DOK6: variants seen among roughly 807,000 people sequenced by gnomAD.
DOK6 encodes docking protein 6, also known as downstream of tyrosine kinase 6.
DOK6 carries 22 observed loss-of-function variants against 44.0 expected under a neutral mutation model. The ratio of observed to expected loss-of-function variants is 0.50; its 90% CI spans 0.36 to 0.71. The LOEUF (loss-of-function observed/expected upper bound fraction) is 0.71, where lower values mean the gene tolerates loss of function less well. Ranked by LOEUF, DOK6 falls within the 30% of genes least tolerant of loss-of-function variation. The pLI is 0.00. For synonymous variants in DOK6, 166 were observed against 145.5 expected, an observed-to-expected ratio of 1.14 and a Z score of -1.01; for missense variants, 340 against 416.4, an observed-to-expected ratio of 0.82 and a Z score of 1.60.
intron 3 of DOK6, among the ~76,000 whole-genome samples, chr18:69,644,064 C>G (rs1985009942): frequency 6.6e-6 from 1 of 152,020 alleles, no homozygotes; most frequent in African/African-American, 2.4e-5. Flanking sequence ...ATTCAAATGT[C>G]TGTTCACGTA....
At chr18:69,635,066 G>A (rs935097460) in intron 3 of DOK6, among the ~76,000 whole-genome samples, 13 of 152,178 alleles carry the variant, frequency 8.5e-5, no homozygotes, top group African/African-American at 3.1e-4. Context: ...GTGGGCTCCA[G>A]TTGACACAAT....
intron 4 of DOK6, among the ~76,000 whole-genome samples, chr18:69,691,554 AC>A (rs1187404116): frequency 4.6e-5 from 7 of 152,256 alleles, no homozygotes; most frequent in African/African-American, 1.4e-4. Flanking sequence ...TTGGGGAAGA[AC>A]CTGAGTTTGG....
At chr18:69,776,507 A>T (rs535379297) in intron 7 of DOK6, among the ~76,000 whole-genome samples, 3 of 152,236 alleles carry the variant, frequency 2.0e-5, no homozygotes, top group African/African-American at 7.2e-5. Context: ...CTAAGTTGGT[A>T]GAGAAAATTT....
At chr18:69,676,344 C>T (rs956780188) in intron 3 of DOK6, among the ~76,000 whole-genome samples, 24 of 152,142 alleles carry the variant, frequency 1.6e-4, no homozygotes, top group Non-Finnish European at 1.2e-4. Flanking sequence ...CTTCACATCT[C>T]ATTGATGAAA....
intron 7 of DOK6, among the ~76,000 whole-genome samples, chr18:69,824,457 C>A (rs116998033): frequency 2.4e-5 from 2 of 83,300 alleles, no homozygotes; most frequent in African/African-American, 8.6e-5. Flanking sequence ...AATCCTCCTG[C>A]GCTCAAGCAA....
chr18:69,676,494 G>A (rs754391926), intron 3 of DOK6, among the ~76,000 whole-genome samples: 83 of 152,070 alleles, frequency 5.5e-4, no homozygotes, highest in Admixed American at 2.8e-3. Flanking sequence ...TTTTCATGGG[G>A]CATTTAAAAT....
chr18:69,558,926 G>A (rs1322262914), intron 1 of DOK6, among the ~76,000 whole-genome samples: 1 of 152,022 alleles, frequency 6.6e-6, no homozygotes, highest in Non-Finnish European at 1.5e-5. Flanking sequence ...GCTGTATAGA[G>A]TATACAGGAA....
chr18:69,695,185 C>T (rs1006022849), intron 4 of DOK6, among the ~76,000 whole-genome samples: 7 of 152,074 alleles, frequency 4.6e-5, no homozygotes, highest in Non-Finnish European at 8.8e-5. Flanking sequence ...AAGTGTGGTC[C>T]GCAGAGAAGC....
intron 6 of DOK6, among the ~76,000 whole-genome samples, chr18:69,748,210 C>T (rs929211771): frequency 1.3e-4 from 20 of 151,972 alleles, no homozygotes; most frequent in African/African-American, 4.1e-4. Context: ...TAAATATGTA[C>T]GCACCCAATA....
rs1568256500 is a variant in DOK6 at position 69,435,029 on chromosome 18, A to AAGGAAGGAAGGAC, written c.66+33719_66+33720insAGGAAGGAAGGAC. Among the ~76,000 whole-genome samples, 49 of 44,098 alleles carry AAGGAAGGAAGGAC rather than the reference A, an allele frequency of 1.1e-3. 1 individual carries two copies. Among genetic ancestry groups the AAGGAAGGAAGGAC allele is most frequent in the African/African-American group, 3.6e-3 (45 of 12,586 alleles). 28.9% of individuals were successfully genotyped at this position (44,098 alleles called of 152,430 possible). A position where few individuals can be genotyped will look rare whatever the true frequency, so the allele number is the denominator to read the frequency against. ...AAAGATTAGTGTAGGGAGGGAGGGA[A>AAGGAAGGAAGGAC]GGAAGGAAGGAAGGAAGGAAGGAAG... is the stretch of plus-strand genomic sequence containing the variant. On this transcript the variant is annotated intron_variant, in intron 1 of 7. Coordinates refer to ENST00000382713, the MANE Select transcript of DOK6 (RefSeq NM_152721.6).
rs141314151 is a variant in DOK6 at position 69,564,505 on chromosome 18, T to C, written c.85T>C (p.Leu29=). 200 of 1,613,740 alleles carry C rather than the reference T, an allele frequency of 1.2e-4. No individual in the cohort carries two copies. The highest frequency in any genetic ancestry group is 1.6e-4 in the Non-Finnish European group (187 of 1,179,900). ...RKLGIFRRCW[L]VFKKASSKGP... is the part of the protein sequence containing the mutation. ...CTTTCAGATTTTCAGACGATGCTGG[T>C]TGGTTTTCAAGAAGGCTTCTAGCAA... is the stretch of plus-strand genomic sequence containing the variant. Residue 29 remains leucine (L), a synonymous_variant, in exon 2 of 8, where the codon TTG becomes CTG. Transcript: ENST00000382713.
intron 7 of DOK6, among the ~76,000 whole-genome samples, chr18:69,787,500 T>A (rs1980467892): frequency 6.6e-6 from 1 of 152,194 alleles, no homozygotes; most frequent in Non-Finnish European, 1.5e-5. Flanking sequence ...TGAAAGTCAT[T>A]TTATTTGTTT....
At chr18:69,627,136 T>C (rs1255802050) in intron 3 of DOK6, among the ~76,000 whole-genome samples, 1 of 152,196 alleles carries the variant, frequency 6.6e-6, no homozygotes, top group Non-Finnish European at 1.5e-5. Context: ...ATATTTGTAG[T>C]ACCCTGTTTA....
At chr18:69,588,136 T>C (rs1425950520) in intron 2 of DOK6, among the ~76,000 whole-genome samples, 2 of 152,216 alleles carry the variant, frequency 1.3e-5, no homozygotes, top group African/African-American at 4.8e-5. Flanking sequence ...ATTCTCTCTA[T>C]GACATTAACT....
intron 1 of DOK6, among the ~76,000 whole-genome samples, chr18:69,556,371 TG>T (rs2144591952): frequency 6.6e-6 from 1 of 152,310 alleles, no homozygotes; most frequent in South Asian, 2.1e-4. Flanking sequence ...TGTTCTCTAA[TG>T]CTGCTCCTAA....
At chr18:69,652,627 C>CAAAAT (rs1985258391) in intron 3 of DOK6, among the ~76,000 whole-genome samples, 1 of 152,150 alleles carries the variant, frequency 6.6e-6, no homozygotes, top group Non-Finnish European at 1.5e-5. Context: ...TCTTTGGCTG[C>CAAAAT]CGCATGTGAT....
At chr18:69,559,808 T>G (rs12970415) in intron 1 of DOK6, among the ~76,000 whole-genome samples, 110,694 of 151,934 alleles carry the variant, frequency 0.73, 40,950 homozygotes, top group East Asian at 1. Flanking sequence ...GGCTTGCACA[T>G]GGCCACATTC....
chr18:69,528,453 A>G (rs1410484497), intron 1 of DOK6, among the ~76,000 whole-genome samples: 1 of 152,212 alleles, frequency 6.6e-6, no homozygotes, highest in East Asian at 1.9e-4. Flanking sequence ...TCACTTTAGA[A>G]TAAGGGTGAA....
intron 7 of DOK6, among the ~76,000 whole-genome samples, chr18:69,814,374 G>A (rs1206146907): frequency 6.6e-6 from 1 of 152,094 alleles, no homozygotes; most frequent in Non-Finnish European, 1.5e-5. Flanking sequence ...TGTCATTTGA[G>A]GCAAAGGCCC....
Sources: allele counts gnomAD v4.1 joint callset (sites outside exome capture counted in the v4.1 genomes callset), GRCh38; gene constraint gnomAD v4.1.1; transcripts MANE v1.5; gene names NCBI Gene and HGNC (gene_info 2026-07-23, HGNC 2026-07-21).